The following DENND5B variants were observed in gnomAD, a reference collection of about 807,000 sequenced individuals.
DENND5B encodes DENN domain containing 5B.
In DENND5B, 34 loss-of-function variants were observed where a neutral mutation model predicts 140.6. The ratio of observed to expected loss-of-function variants is 0.24; its 90% CI spans 0.18 to 0.32. DENND5B has a LOEUF of 0.32. Among genes scored for constraint, DENND5B ranks in the 10% least tolerant of loss-of-function variants. The pLI is 1.00. For missense variants in DENND5B, 1,142 were observed against 1,560.2 expected, an observed-to-expected ratio of 0.73 and a Z score of 4.52; for synonymous variants, 551 against 562.1, an observed-to-expected ratio of 0.98 and a Z score of 0.28.
intron 1 of DENND5B, among the ~76,000 whole-genome samples, chr12:31,571,567 AT>A (rs1445507952): frequency 1.3e-5 from 2 of 151,934 alleles, no homozygotes; most frequent in African/African-American, 4.8e-5. Flanking sequence ...AGAAAACTCC[AT>A]TTTATCCATT....
intron 1 of DENND5B, among the ~76,000 whole-genome samples, chr12:31,556,205 C>A (rs4594082): frequency 6.6e-5 from 10 of 152,136 alleles, no homozygotes; most frequent in East Asian, 5.8e-4. Flanking sequence ...GCTCCTCCCC[C>A]CTTTTTTTTC....
At chr12:31,487,565 G>C (rs751634603) in intron 2 of DENND5B, among the ~76,000 whole-genome samples, 3 of 152,068 alleles carry the variant, frequency 2.0e-5, no homozygotes, top group Non-Finnish European at 4.4e-5. Flanking sequence ...AGCCGGGCGT[G>C]GTGGGACACA....
chr12:31,394,671 T>G (rs1631236), intron 17 of DENND5B, among the ~76,000 whole-genome samples: 2 of 150,436 alleles, frequency 1.3e-5, no homozygotes, highest in Admixed American at 6.7e-5. Context: ...TGGAGTGCAG[T>G]GGAGCGATCT....
At chr12:31,512,373 C>T (rs1258168904) in intron 1 of DENND5B, among the ~76,000 whole-genome samples, 23 of 141,058 alleles carry the variant, frequency 1.6e-4, no homozygotes, top group Non-Finnish European at 1.5e-5. Context: ...CACACCACCA[C>T]ACCCCTGGCT....
At chr12:31,468,764 A>G (rs1006631763) in intron 3 of DENND5B, among the ~76,000 whole-genome samples, 3 of 152,102 alleles carry the variant, frequency 2.0e-5, no homozygotes, top group African/African-American at 7.2e-5. Context: ...GTGAGCCTAG[A>G]TCGTGCTACT....
chr12:31,545,556 C>A (rs1281004223), intron 1 of DENND5B, among the ~76,000 whole-genome samples: 3 of 151,950 alleles, frequency 2.0e-5, no homozygotes, highest in Non-Finnish European at 2.9e-5. Flanking sequence ...TTAAGGCATA[C>A]CCAGAATGTA....
At chr12:31,510,375 G>A (rs1947363640) in intron 1 of DENND5B, among the ~76,000 whole-genome samples, 1 of 152,114 alleles carries the variant, frequency 6.6e-6, no homozygotes, top group South Asian at 2.1e-4. Context: ...GAGTGCAATG[G>A]CACAATCTTA....
chr12:31,389,550 T>C (rs1941019195), intron 19 of DENND5B, 52 bp from the exon 20 acceptor site: 8 of 1,490,690 alleles, frequency 5.4e-6, no homozygotes, highest in East Asian at 4.9e-5. Flanking sequence ...ACTTCATATA[T>C]AGAAAGATTC....
At position 31,587,591 on chromosome 12, in the gene DENND5B, A is replaced by G. The variant is rs189849151; in HGVS notation, c.127+3115T>C. 9.0e-4 allele frequency among the ~76,000 whole-genome samples: 101 copies of G among 112,760 alleles called. 2 individuals are homozygous for G. The East Asian group carries it at 0.025, about 28-fold the overall frequency. The allele number at this position is 112,760 out of a possible 152,430, so 74.0% of individuals were successfully genotyped here. On this transcript the variant is annotated intron_variant, in intron 1 of 20. Transcript: ENST00000389082. ...GAGACAGAGTCTCCCTCTGTTGCCC[A>G]GGCTGGAGTGCAGTGGCACGATCTC...
chr12:31,489,464 G>A (rs748348944), intron 2 of DENND5B, among the ~76,000 whole-genome samples: 5 of 152,162 alleles, frequency 3.3e-5, no homozygotes, highest in Non-Finnish European at 7.3e-5. Context: ...GTGTTGCTAC[G>A]GACTCTGTTC....
At chr12:31,509,139 C>T (rs1181923964) in intron 1 of DENND5B, among the ~76,000 whole-genome samples, 1 of 152,144 alleles carries the variant, frequency 6.6e-6, no homozygotes, top group Non-Finnish European at 1.5e-5. Flanking sequence ...TGATCCCCAG[C>T]CCTGAGTTTC....
At chr12:31,392,430 C>T in intron 18 of DENND5B, 37 bp from the exon 19 acceptor site, 5 of 1,607,572 alleles carry the variant, frequency 3.1e-6, no homozygotes, top group Non-Finnish European at 4.2e-6. Context: ...AGAAAAATCT[C>T]CTGCATCTAT....
At chr12:31,508,703 AGT>A (rs1947299308) in intron 1 of DENND5B, among the ~76,000 whole-genome samples, 1 of 152,194 alleles carries the variant, frequency 6.6e-6, no homozygotes, top group Non-Finnish European at 1.5e-5. Flanking sequence ...TCTCTGCGTT[AGT>A]GTGTGGCCTT....
intron 3 of DENND5B, among the ~76,000 whole-genome samples, chr12:31,464,181 C>T (rs2682682): frequency 0.078 from 11,848 of 152,178 alleles, 1,055 homozygotes; most frequent in African/African-American, 0.22. Context: ...ACATGAGGCT[C>T]TTCATGATTT....
At position 31,398,218 on chromosome 12, in the gene DENND5B, C is replaced by T. The variant is rs747263395; in HGVS notation, c.3213G>A (p.Thr1071=). 3.1e-6 allele frequency: 5 copies of T among 1,605,196 alleles called. No homozygotes were observed. The South Asian group carries it at 3.4e-5, about 11-fold the overall frequency. The change falls in exon 17 of 21, where the codon ACG becomes ACA. Residue 1071 remains threonine (T), a synonymous_variant. Transcript: ENST00000389082. ...RTPPQQKSPT[T]ARRLSITSLT... ...GTGAAGTGATGCTCAATCTCCTAGC[C>T]GTGGTGGGTGACTTCTGCTGGGGTG... is the stretch of plus-strand genomic sequence containing the variant.
chr12:31,432,387 T>A (rs1314906810), intron 8 of DENND5B: 1 of 152,238 alleles, frequency 6.6e-6, no homozygotes, highest in East Asian at 1.9e-4. Context: ...TTTGGGATGA[T>A]GTTTTCTGCT....
chr12:31,571,668 A>G (rs1402566199), intron 1 of DENND5B, among the ~76,000 whole-genome samples: 1 of 151,952 alleles, frequency 6.6e-6, no homozygotes, highest in Non-Finnish European at 1.5e-5. Context: ...CCCAGGCTGG[A>G]GTGCCATGGC....
rs1950593764 is a variant in DENND5B, at chr12:31,590,784, C to T, written c.49G>A (p.Ala17Thr). Residue 17 changes from alanine to threonine, a missense_variant, in exon 1 of 21, where the codon GCC (alanine) becomes ACC (threonine). Ala to Thr is a moderately conservative substitution (Grantham distance 58). Coordinates refer to ENST00000389082, the MANE Select transcript of DENND5B (RefSeq NM_144973.4). Reference protein sequence around the residue: ...APGPGSGSSPAACRFAHYFVL... With the variant: ...APGPGSGSSPTACRFAHYFVL... ...AAGTAGTGCGCGAAGCGGCAGGCGG[C>T]CGGGGAGGAGCCCGAGCCCGGGCCG... The T allele has an allele frequency of 2.2e-6, 3 of 1,371,980 alleles. No homozygotes were observed. In the African/African-American group the frequency reaches 4.5e-5, roughly 21 times the overall value. 85.0% of individuals were successfully genotyped at this position (1,371,980 alleles called of 1,614,324 possible).
chr12:31,574,270 T>A (rs1028082892), intron 1 of DENND5B, among the ~76,000 whole-genome samples: 17 of 128,704 alleles, frequency 1.3e-4, no homozygotes, highest in Non-Finnish European at 1.8e-4. Context: ...CTCTAAAAAA[T>A]AATAATAATA....
Sources: allele counts gnomAD v4.1 joint callset (sites outside exome capture counted in the v4.1 genomes callset), GRCh38; gene constraint gnomAD v4.1.1; transcripts MANE v1.5; gene names NCBI Gene and HGNC (gene_info 2026-07-23, HGNC 2026-07-21).